Variants in FGD5 observed in about 807,000 individuals in gnomAD.
FGD5 encodes the protein FYVE, RhoGEF and PH domain containing 5, also known as FYVE, RhoGEF and PH domain-containing protein 5.
Under a neutral mutation model 133.4 loss-of-function variants are expected in FGD5, and 28 were observed. The ratio of observed to expected loss-of-function variants is 0.21; its 90% CI spans 0.16 to 0.29. The LOEUF (loss-of-function observed/expected upper bound fraction) is 0.29. Ranked by LOEUF, FGD5 falls within the 10% of genes least tolerant of loss-of-function variation. The probability of loss-of-function intolerance (pLI) is 1.00; values close to 1 mark genes in which losing one functional copy is unlikely to be tolerated. For synonymous variants in FGD5, 810 were observed against 776.5 expected (o/e 1.04, Z -0.72); for missense variants, 1,858 against 1,895.2 (o/e 0.98, Z 0.36).
intron 2 of FGD5, among the ~76,000 whole-genome samples, chr3:14,868,133 A>C (rs2037531938): frequency 1.3e-5 from 2 of 152,260 alleles, no homozygotes; most frequent in South Asian, 4.1e-4. Context: ...ACTTAAAAAT[A>C]GCTCTCCTTA....
chr3:14,825,402 T>G (rs1211471917), intron 1 of FGD5, among the ~76,000 whole-genome samples: 1 of 152,064 alleles, frequency 6.6e-6, no homozygotes, highest in East Asian at 1.9e-4. Flanking sequence ...GCCAGAAGTT[T>G]GAGACCAGCC....
upstream of FGD5, among the ~76,000 whole-genome samples, chr3:14,815,932 G>C (rs1268912842): frequency 6.6e-6 from 1 of 152,214 alleles, no homozygotes; most frequent in Non-Finnish European, 1.5e-5. Flanking sequence ...TTCAGTGAGG[G>C]TCAGATGAAG....
rs1483294824 is a variant in FGD5, at chr3:14,923,108, C to T, written c.3870C>T (p.Ala1290=). ...YPLKYLKDRM[A]KVCDGCFGEL... ...TGAAGTACCTGAAGGACAGGATGGC[C>T]AAGGTCTGCGACGGCTGCTTCGGGG... Residue 1290 remains alanine (A), a synonymous_variant, in exon 16 of 20, where the codon GCC becomes GCT. Coordinates refer to ENST00000285046, the MANE Select transcript of FGD5 (RefSeq NM_152536.4). 1.2e-6 allele frequency: 2 copies of T among 1,613,874 alleles called. No individual in the cohort carries two copies. Among genetic ancestry groups the T allele is most frequent in the Non-Finnish European group, 1.7e-6 (2 of 1,179,870 alleles).
rs2038714713 is a variant in FGD5 at position 14,922,930 on chromosome 3, C to T, written c.3808-116C>T. On this transcript the variant is annotated intron_variant, in intron 15 of 19. Coordinates refer to ENST00000285046, the MANE Select transcript of FGD5 (RefSeq NM_152536.4). This position sits in a 1 kb window ranked among gnomAD's most constrained non-coding sequence, Gnocchi z 4.1. The stretch of plus-strand genomic sequence containing the variant: ...GACACGCACAGCTCCATGATCAGAA[C>T]CTGGGGCTCCCTAGGGGCAGTTGTG... 3 of 1,449,018 alleles carry T rather than the reference C, an allele frequency of 2.1e-6. No homozygotes were observed. The highest frequency in any genetic ancestry group is 2.3e-5 in the East Asian group (1 of 43,756). 89.8% of individuals were successfully genotyped at this position (1,449,018 alleles called of 1,614,324 possible). A position where few individuals can be genotyped will look rare whatever the true frequency, so the allele number is the denominator to read the frequency against.
At chr3:14,833,147 G>A (rs1024489558) in intron 1 of FGD5, among the ~76,000 whole-genome samples, 2 of 152,188 alleles carry the variant, frequency 1.3e-5, no homozygotes, top group African/African-American at 4.8e-5. Context: ...GGGGAATTCC[G>A]AGCTTGCATC....
At chr3:14,883,652 A>T (rs1401825739) in intron 4 of FGD5, among the ~76,000 whole-genome samples, 1 of 152,260 alleles carries the variant, frequency 6.6e-6, no homozygotes. Flanking sequence ...GCACTGAAAT[A>T]GGCCTTGGAG....
rs530562995 is a variant in FGD5, at chr3:14,919,029, A to C, written c.3569+196A>C. ...ATTTGATAAAAACTTTTCTCCCCCC[A>C]AAAAATGTACACACTCATAAAATTT... On this transcript the variant is annotated intron_variant, in intron 13 of 19. Transcript: ENST00000285046. Among the ~76,000 whole-genome samples the C allele has an allele frequency of 7.9e-5, 12 of 152,244 alleles. No individual in the cohort carries two copies. In the East Asian group the frequency reaches 2.1e-3, roughly 27 times the overall value.
intron 18 of FGD5, among the ~76,000 whole-genome samples, chr3:14,926,963 G>A (rs2038814939): frequency 6.6e-6 from 1 of 152,230 alleles, no homozygotes; most frequent in Non-Finnish European, 1.5e-5. Flanking sequence ...GGCCACAGAT[G>A]CTAGCAAATG....
intron 1 of FGD5, among the ~76,000 whole-genome samples, chr3:14,839,729 G>A (rs1332114536): frequency 2.0e-5 from 3 of 152,052 alleles, no homozygotes; most frequent in Admixed American, 6.5e-5. Flanking sequence ...TCAGGAGATC[G>A]AGACCATCCT....
chr3:14,896,527 A>G (rs933629855), intron 4 of FGD5, among the ~76,000 whole-genome samples: 1 of 151,812 alleles, frequency 6.6e-6, no homozygotes. Context: ...GTGGAGTGCA[A>G]TGGCGCGATC....
intron 10 of FGD5, among the ~76,000 whole-genome samples, chr3:14,910,284 A>G (rs1470983716): frequency 5.3e-5 from 8 of 152,152 alleles, no homozygotes; most frequent in Non-Finnish European, 8.8e-5. Flanking sequence ...CACAAGTCCA[A>G]CGCTTGTCAA....
intron 4 of FGD5, among the ~76,000 whole-genome samples, chr3:14,884,810 A>G (rs1394079164): frequency 6.6e-6 from 1 of 152,160 alleles, no homozygotes; most frequent in East Asian, 1.9e-4. Context: ...CCAACTCAGC[A>G]TTCCACTGGA....
Position 14,820,188 on chromosome 3 carries a change from G to A in FGD5, c.1117G>A (p.Glu373Lys). The change falls in exon 1 of 20, where the codon GAA becomes AAA. Residue 373 changes from glutamate to lysine, a missense_variant. By Grantham distance (56) the Glu-to-Lys change is moderately conservative. Transcript: ENST00000285046. ...SPLSESAKGLESEQAPKLGLR... is the reference protein window; with the variant it reads ...SPLSESAKGLKSEQAPKLGLR... ...TCTTTCTGAATCAGCGAAAGGTTTAGAATCAGAGCAGGCACCAAAGCTGGG... is the reference window on the plus strand; with the variant it reads ...TCTTTCTGAATCAGCGAAAGGTTTAAAATCAGAGCAGGCACCAAAGCTGGG... 1.9e-6 allele frequency: 3 copies of A among 1,613,506 alleles called. No homozygotes were observed. The highest frequency in any genetic ancestry group is 1.3e-5 in the African/African-American group (1 of 75,034).
chr3:14,906,894 T>C (rs2125140048), intron 9 of FGD5, among the ~76,000 whole-genome samples: 1 of 152,312 alleles, frequency 6.6e-6, no homozygotes, highest in Middle Eastern at 3.4e-3. Context: ...TTATCTGGCT[T>C]TTTCACACTA....
chr3:14,899,747 A>G (rs2038201764), intron 7 of FGD5, among the ~76,000 whole-genome samples: 1 of 152,258 alleles, frequency 6.6e-6, no homozygotes, highest in African/African-American at 2.4e-5. Flanking sequence ...ATGTCTGTTA[A>G]GAACTCTTAA....
chr3:14,874,433 A>G lies in FGD5; in HGVS notation c.2659-6139A>G, dbSNP rs150205552. On this transcript the variant is annotated intron_variant, in intron 2 of 19. Transcript: ENST00000285046. ...CTACTCAGGAGGCTGAGGCTGAAGGATCACTTGAGCCCAGGTGCCATTGCA... is the reference window on the plus strand; with the variant it reads ...CTACTCAGGAGGCTGAGGCTGAAGGGTCACTTGAGCCCAGGTGCCATTGCA... 1.9e-4 allele frequency among the ~76,000 whole-genome samples: 29 copies of G among 152,280 alleles called. No homozygotes were observed. In the East Asian group the frequency reaches 4.6e-3, roughly 24 times the overall value.
At position 14,819,385 on chromosome 3, in the gene FGD5, G is replaced by A. The variant is rs866854148; in HGVS notation, c.314G>A (p.Gly105Glu). 2 of 1,549,370 alleles carry A rather than the reference G, an allele frequency of 1.3e-6. No homozygotes were observed. Among genetic ancestry groups the A allele is most frequent in the Non-Finnish European group, 1.7e-6 (2 of 1,146,234 alleles). The change falls in exon 1 of 20, where the codon GGA becomes GAA. Residue 105 changes from glycine (G) to glutamate (E), a missense_variant. This residue lies in a region of FGD5 where 1,824 missense variants were observed against 1,848.9 expected (regional missense o/e 0.99). Coordinates refer to ENST00000285046, the MANE Select transcript of FGD5 (RefSeq NM_152536.4). The surrounding 1 kb of genome is among the most constrained non-coding windows in gnomAD (Gnocchi z 4.1). ...GAAGAGGAAGAGGAGCGTGAAGAGG[G>A]AGGCGAGGCATGTGGCCTGGAGGGT... The part of the protein sequence containing the change: ...SAEEEEEREE[G>E]GEACGLEGTG...
chr3:14,821,564 C>G lies in FGD5; in HGVS notation c.2493C>G (p.Ser831Arg), dbSNP rs1383964041. 6.2e-7 allele frequency: 1 copy of G among 1,611,012 alleles called. No individual in the cohort carries two copies. The highest frequency in any genetic ancestry group is 1.1e-5 in the South Asian group (1 of 90,762). The change falls in exon 1 of 20, where the codon AGC becomes AGG. Residue 831 changes from serine to arginine, a missense_variant. By Grantham distance (110) the Ser-to-Arg change is moderately radical. Transcript: ENST00000285046. ...VDMSSFNAFE[S>R]KQQSADQDAE... ...TGAGCAGCTTCAACGCCTTTGAGAG[C>G]AAACAGCAGAGTGCAGACCAGGACG...
At chr3:14,849,370 G>C (rs148001439) in intron 1 of FGD5, among the ~76,000 whole-genome samples, 101 of 152,316 alleles carry the variant, frequency 6.6e-4, no homozygotes, top group Non-Finnish European at 1.1e-3. Context: ...CAGCACAGAG[G>C]AGGTGACAGT....
Sources: gnomAD v4.1 joint callset for allele counts (sites outside exome capture counted in the v4.1 genomes callset) on GRCh38, gnomAD v4.1.1 for gene constraint, gnomAD v4.1.1 regional missense constraint, Gnocchi (gnomAD v3.1) non-coding constraint, MANE v1.5 for transcripts, NCBI Gene and HGNC (gene_info 2026-07-23, HGNC 2026-07-21) for gene names.